The following MTMR4 variants were observed in gnomAD, a reference collection of about 807,000 sequenced individuals.
The protein encoded by MTMR4 is phosphatidylinositol-3,5-bisphosphate 3-phosphatase MTMR4.
Under a neutral mutation model 125.5 loss-of-function variants are expected in MTMR4, and 30 were observed. That is an observed-to-expected ratio of 0.24 (90% CI 0.18 to 0.32). The LOEUF (loss-of-function observed/expected upper bound fraction) is 0.32, where lower values mean the gene tolerates loss of function less well. MTMR4 is among the 10% of genes least tolerant of loss of function. The probability of loss-of-function intolerance (pLI) is 1.00; values close to 1 mark genes in which losing one functional copy is unlikely to be tolerated. For missense variants in MTMR4, 1,039 were observed against 1,511.5 expected (o/e 0.69, Z 5.18); for synonymous variants, 498 against 564.5 (o/e 0.88, Z 1.67).
At chr17:58,509,319 C>G (rs1975863708) in intron 4 of MTMR4, among the ~76,000 whole-genome samples, 3 of 151,446 alleles carry the variant, frequency 2.0e-5, no homozygotes, top group Admixed American at 2.0e-4. Flanking sequence ...AAGATAGTTT[C>G]AGTCTCACCT....
intron 1 of MTMR4, among the ~76,000 whole-genome samples, chr17:58,513,766 G>A (rs548281654): frequency 1.3e-4 from 20 of 152,182 alleles, no homozygotes; most frequent in African/African-American, 4.3e-4. Flanking sequence ...GACAGATGGG[G>A]GAAGCTGGGA....
Position 58,499,241 on chromosome 17 carries a change from T to TA in MTMR4, c.1854-2912_1854-2911insT, listed in dbSNP as rs1189532311. On this transcript the variant is annotated intron_variant, in intron 14 of 17. Transcript: ENST00000682306. ...GCCAGCCACAGAACTTCTTTTTTTT[T>TA]TAAAAAAAAAAAAACTACCTCTCAC... 2.9e-3 allele frequency among the ~76,000 whole-genome samples: 421 copies of TA among 144,718 alleles called. 1 individual carries two copies. The highest frequency in any genetic ancestry group is 3.7e-3 in the Admixed American group (53 of 14,334). The allele number at this position is 144,718 out of a possible 152,430, so 94.9% of individuals were successfully genotyped here. A position where few individuals can be genotyped will look rare whatever the true frequency, so the allele number is the denominator to read the frequency against.
rs142511713 is a variant in MTMR4, at chr17:58,496,146, G to A, written c.2038C>T (p.Pro680Ser). 1 of 1,614,160 alleles carries A rather than the reference G, an allele frequency of 6.2e-7. No homozygotes were observed. The highest frequency in any genetic ancestry group is 8.5e-7 in the Non-Finnish European group (1 of 1,180,018). Residue 680 changes from proline (P) to serine (S), a missense_variant, in exon 15 of 18, where the codon CCT becomes TCT. Pro to Ser is a moderately conservative substitution (Grantham distance 74). Coordinates refer to ENST00000682306, the MANE Select transcript of MTMR4 (RefSeq NM_001378067.1). ...TSFVDSGVGG[P>S]QQTVGEVGLP... The stretch of plus-strand genomic sequence containing the variant: ...CCCACTTCTCCTACAGTTTGCTGAG[G>A]CCCTCCTACCCCAGAGTCCACAAAG...
At chr17:58,498,666 A>G (rs1975539194) in intron 14 of MTMR4, among the ~76,000 whole-genome samples, 1 of 151,820 alleles carries the variant, frequency 6.6e-6, no homozygotes, top group South Asian at 2.1e-4. Context: ...TTCCTTTAAA[A>G]TCTTTATACC....
Position 58,495,806 on chromosome 17 carries a change from G to C in MTMR4, c.2378C>G (p.Pro793Arg), listed in dbSNP as rs2143850054. The C allele has an allele frequency of 1.2e-6, 2 of 1,614,146 alleles. No homozygotes were observed. Among genetic ancestry groups the C allele is most frequent in the East Asian group, 4.5e-5 (2 of 44,882 alleles). Reference sequence around the variant, plus strand: ...TGTAGGAGAGTTCTGGGAAGACTCAGGAAAATTACAAACTCCATCACACTT... The same window carrying C: ...TGTAGGAGAGTTCTGGGAAGACTCACGAAAATTACAAACTCCATCACACTT... ...SNKCDGVCNF[P>R]ESSQNSPTGT... Residue 793 changes from proline (P) to arginine (R), a missense_variant, in exon 15 of 18, where the codon CCT becomes CGT. Coordinates refer to ENST00000682306, the MANE Select transcript of MTMR4 (RefSeq NM_001378067.1).
At position 58,512,501 on chromosome 17, in the gene MTMR4, G is replaced by A. The variant is rs1975959496; in HGVS notation, c.141C>T (p.Pro47=). Residue 47 remains proline, a synonymous_variant, in exon 3 of 18, where the codon CCC becomes CCT. Coordinates refer to ENST00000682306, the MANE Select transcript of MTMR4 (RefSeq NM_001378067.1). This position sits in a 1 kb window ranked among gnomAD's most constrained non-coding sequence, Gnocchi z 4.1. ...LVKEEENLQV[P]FTVLQGEGVE... is the part of the protein sequence containing the mutation. ...CTCCCTCACCCTGCAGCACTGTGAA[G>A]GGGACCTGTCAAGGGGCAGAGAAAC... is the stretch of plus-strand genomic sequence containing the variant. The A allele has an allele frequency of 6.2e-7, 1 of 1,613,662 alleles. No individual in the cohort carries two copies.
At position 58,504,296 on chromosome 17, in the gene MTMR4, G is replaced by A. The variant is rs1975721791; in HGVS notation, c.1527+7C>T. The A allele has an allele frequency of 1.2e-6, 2 of 1,613,226 alleles. No homozygotes were observed. Among genetic ancestry groups the A allele is most frequent in the Non-Finnish European group, 1.7e-6 (2 of 1,179,270 alleles). On this transcript the variant is annotated splice_region_variant and intron_variant, in intron 12 of 17. Transcript: ENST00000682306. The surrounding 1 kb of genome is among the most constrained non-coding windows in gnomAD (Gnocchi z 7.1). ...CCATCCCTGTTGTCACAGGCCTTAG[G>A]ACTTACCAGGAATGCTTCATTAAAT...
At chr17:58,507,405 G>C (rs1975807442) in intron 7 of MTMR4, 86 bp from the exon 8 acceptor site, 6 of 1,202,828 alleles carry the variant, frequency 5.0e-6, no homozygotes, top group Middle Eastern at 2.1e-4. Context: ...AGTCTCTAGA[G>C]CCAGCAGGGG....
In MTMR4 at chr17:58,500,354, T is replaced by C. The variant is rs1337105643; in HGVS notation, c.1853+3390A>G. On this transcript the variant is annotated intron_variant, in intron 14 of 17. Transcript: ENST00000682306. ...GTTGCCCAGGTTGGTCTCAAACTCCTGGGCTCAAGCAATCTGCGCACCTTG... is the reference window on the plus strand; with the variant it reads ...GTTGCCCAGGTTGGTCTCAAACTCCCGGGCTCAAGCAATCTGCGCACCTTG... Among the ~76,000 whole-genome samples, 3 of 152,140 alleles carry C rather than the reference T, an allele frequency of 2.0e-5. 1 individual carries two copies. The highest frequency in any genetic ancestry group is 2.4e-5 in the African/African-American group (1 of 41,524).
Position 58,508,286 on chromosome 17 carries a change from C to A in MTMR4, c.594-12G>T, listed in dbSNP as rs756462720. ...AACTGGGGCACAATCTGAGAAGAGA[C>A]CAGGTGGGGGTCACTGCACTGGGTC... On this transcript the variant is annotated splice_polypyrimidine_tract_variant and intron_variant, in intron 6 of 17. Transcript: ENST00000682306. The surrounding 1 kb of genome is among the most constrained non-coding windows in gnomAD (Gnocchi z 4.8). 5 of 1,610,678 alleles carry A rather than the reference C, an allele frequency of 3.1e-6. No homozygotes were observed. Among genetic ancestry groups the A allele is most frequent in the Admixed American group, 3.3e-5 (2 of 60,020 alleles).
intron 14 of MTMR4, among the ~76,000 whole-genome samples, chr17:58,503,269 T>G (rs541940589): frequency 6.6e-6 from 1 of 152,276 alleles, no homozygotes; most frequent in South Asian, 2.1e-4. Flanking sequence ...CAGAGGACCT[T>G]GAAAACACAC....
upstream of MTMR4, among the ~76,000 whole-genome samples, chr17:58,518,895 C>A (rs763786114): frequency 6.6e-6 from 1 of 152,218 alleles, no homozygotes; most frequent in Non-Finnish European, 1.5e-5. Context: ...TGTCCTCACC[C>A]ATCTTTGTTT....
At chr17:58,511,400 G>C in intron 4 of MTMR4, 29 bp downstream of exon 4, 1 of 1,584,460 alleles carries the variant, frequency 6.3e-7, no homozygotes, top group South Asian at 1.1e-5. Context: ...TAGGGCCAGG[G>C]GACCTGAGTG....
Position 58,495,572 on chromosome 17 carries a change from G to A in MTMR4, c.2612C>T (p.Thr871Ile). The change falls in exon 15 of 18, where the codon ACC (threonine) becomes ATC (isoleucine). Residue 871 changes from threonine (T) to isoleucine (I), a missense_variant. Thr to Ile is a moderately conservative substitution (Grantham distance 89). This residue lies in a region of MTMR4 where 619 missense variants were observed against 714.5 expected (regional missense o/e 0.87). Coordinates refer to ENST00000682306, the MANE Select transcript of MTMR4 (RefSeq NM_001378067.1). Reference sequence around the variant, plus strand: ...TTTACCAATGTCTTCCTCCCCATGGGTCAGATCCGGCACAGAACTCAGTTG... The same window carrying A: ...TTTACCAATGTCTTCCTCCCCATGGATCAGATCCGGCACAGAACTCAGTTG... ...QEQLSSVPDL[T>I]HGEEDIGKRG... 6.2e-7 allele frequency: 1 copy of A among 1,614,140 alleles called. No individual in the cohort carries two copies. The highest frequency in any genetic ancestry group is 2.2e-5 in the East Asian group (1 of 44,886).
Position 58,504,623 on chromosome 17 carries a change from C to A in MTMR4, c.1342-135G>T, listed in dbSNP as rs1975728189. On this transcript the variant is annotated intron_variant, in intron 11 of 17. Transcript: ENST00000682306. This position sits in a 1 kb window ranked among gnomAD's most constrained non-coding sequence, Gnocchi z 7.1. Reference sequence around the variant, plus strand: ...ACTGGACCTAGAAGAGGACTCAAAGCCACCAATTTTCCAAGCCTTTGGGAG... The same window carrying A: ...ACTGGACCTAGAAGAGGACTCAAAGACACCAATTTTCCAAGCCTTTGGGAG... 3.7e-6 allele frequency: 5 copies of A among 1,350,462 alleles called. No individual in the cohort carries two copies. In the Admixed American group the frequency reaches 9.5e-5, roughly 26 times the overall value. 83.7% of individuals were successfully genotyped at this position (1,350,462 alleles called of 1,614,324 possible). A position where few individuals can be genotyped will look rare whatever the true frequency, so the allele number is the denominator to read the frequency against.
chr17:58,506,598 T>C (rs1012196689), intron 9 of MTMR4, 145 bp downstream of exon 9: 19 of 985,462 alleles, frequency 1.9e-5, no homozygotes, highest in Non-Finnish European at 2.8e-5. Context: ...AGCATAGTCA[T>C]AGCCATAGCT....
In MTMR4 at chr17:58,504,759, C is replaced by A; in HGVS notation, c.1341+20G>T. 1.3e-6 allele frequency: 2 copies of A among 1,577,436 alleles called. No homozygotes were observed. The highest frequency in any genetic ancestry group is 1.7e-6 in the Non-Finnish European group (2 of 1,157,892). The stretch of plus-strand genomic sequence containing the variant: ...CCTGCCACATTCCTTCTGGTTTTCC[C>A]ACCGAATTCCTCTCAATACCTCCAA... On this transcript the variant is annotated intron_variant, in intron 11 of 17. Coordinates refer to ENST00000682306, the MANE Select transcript of MTMR4 (RefSeq NM_001378067.1). The surrounding 1 kb of genome is among the most constrained non-coding windows in gnomAD (Gnocchi z 7.1).
At chr17:58,505,979 A>G (rs1975769693) in intron 9 of MTMR4, among the ~76,000 whole-genome samples, 1 of 152,218 alleles carries the variant, frequency 6.6e-6, no homozygotes, top group Admixed American at 6.5e-5. Flanking sequence ...CTGGTGGACA[A>G]AGCTTTCCTG....
chr17:58,511,581 A>T, intron 3 of MTMR4, 70 bp from the exon 4 acceptor site: 1 of 1,306,624 alleles, frequency 7.7e-7, no homozygotes, highest in Non-Finnish European at 1.1e-6. Flanking sequence ...ACCCTAGCGT[A>T]GGCACTAATG....
Sources: allele counts gnomAD v4.1 joint callset (sites outside exome capture counted in the v4.1 genomes callset), GRCh38; gene constraint gnomAD v4.1.1; regional missense constraint gnomAD v4.1.1; non-coding constraint Gnocchi (gnomAD v3.1); transcripts MANE v1.5; gene names NCBI Gene and HGNC (gene_info 2026-07-23, HGNC 2026-07-21).